ILDR1: variants seen among roughly 807,000 people sequenced by gnomAD.
The protein encoded by ILDR1 is immunoglobulin like domain containing receptor 1.
In ILDR1, 56 loss-of-function variants were observed where a neutral mutation model predicts 62.4. The observed-to-expected ratio is 0.90, with a 90% CI of 0.72 to 1.12. The LOEUF is 1.12. ILDR1 is among the 50% of genes most tolerant of loss of function. The pLI is 0.00. For synonymous variants in ILDR1, 284 were observed against 277.8 expected, an observed-to-expected ratio of 1.02 and a Z score of -0.22; for missense variants, 736 against 710.6, an observed-to-expected ratio of 1.04 and a Z score of -0.41.
chr3:121,995,104 G>T (rs1232980587), intron 5 of ILDR1, among the ~76,000 whole-genome samples: 1 of 152,142 alleles, frequency 6.6e-6, no homozygotes, highest in African/African-American at 2.4e-5. Flanking sequence ...CCTTAGGTGG[G>T]GCTGGTCTGA....
At chr3:122,009,599 T>C (rs968192202) in intron 1 of ILDR1, among the ~76,000 whole-genome samples, 1 of 152,206 alleles carries the variant, frequency 6.6e-6, no homozygotes, top group African/African-American at 2.4e-5. Context: ...CTTCCTTTTT[T>C]TCCCCTTATT....
intron 4 of ILDR1, 128 bp from the exon 5 acceptor site, chr3:122,001,582 G>T: frequency 6.8e-7 from 1 of 1,466,746 alleles, no homozygotes; most frequent in Non-Finnish European, 9.5e-7. Flanking sequence ...GCAATATACT[G>T]GCAAAAAGGT....
At chr3:122,044,650 G>C in the ILDR1 span, among the ~76,000 whole-genome samples, 8 of 151,200 alleles carry the variant, frequency 5.3e-5, no homozygotes, top group African/African-American at 1.7e-4. Flanking sequence ...TCTTGGGAGA[G>C]TGTATGTGTT....
In ILDR1 at chr3:121,988,189, A is replaced by G. The variant is rs2071280168; in HGVS notation, c.*178T>C. ...CCAAAGTGCTGTGATTACAGGTGTG[A>G]GCCACTATACCCAATCTCAAACTCT... On this transcript the variant is annotated 3_prime_UTR_variant, in exon 8 of 8. Coordinates refer to ENST00000344209, the MANE Select transcript of ILDR1 (RefSeq NM_001199799.2). The G allele has an allele frequency of 2.9e-6, 2 of 680,424 alleles. No homozygotes were observed. Among genetic ancestry groups the G allele is most frequent in the African/African-American group, 3.5e-5 (2 of 56,534 alleles). The allele number at this position is 680,424 out of a possible 1,614,324, so 42.1% of individuals were successfully genotyped here. A position where few individuals can be genotyped will look rare whatever the true frequency, so the allele number is the denominator to read the frequency against.
In ILDR1 at chr3:122,005,270, C is replaced by T. The variant is rs147746318; in HGVS notation, c.353G>A (p.Arg118Gln). The part of the protein sequence containing the change: ...QNEPVLGVDY[R>Q]QRKITIQNRA... ...GTTCTGGATGGTGATCTTGCGCTGC[C>T]GGTAATCTACCCCCAGCACGGGCTC... The change falls in exon 3 of 8, where the codon CGG becomes CAG. Residue 118 changes from arginine to glutamine, a missense_variant. By Grantham distance (43) the Arg-to-Gln change is conservative. Coordinates refer to ENST00000344209, the MANE Select transcript of ILDR1 (RefSeq NM_001199799.2). 6.2e-6 allele frequency: 10 copies of T among 1,613,268 alleles called. No individual in the cohort carries two copies. The highest frequency in any genetic ancestry group is 2.2e-5 in the East Asian group (1 of 44,856).
At chr3:122,032,653 T>C in the ILDR1 span, among the ~76,000 whole-genome samples, 45 of 152,312 alleles carry the variant, frequency 3.0e-4, no homozygotes, top group Admixed American at 1.8e-3. Flanking sequence ...GAAGTGGTAG[T>C]GTATTACCTC....
the ILDR1 span, among the ~76,000 whole-genome samples, chr3:122,048,921 C>A: frequency 1.3e-5 from 2 of 152,152 alleles, no homozygotes; most frequent in Non-Finnish European, 2.9e-5. Context: ...CAGGCATAAG[C>A]CACCATTACG....
rs758744952 is a variant in ILDR1, at chr3:122,001,458, C to T, written c.500-4G>A. The T allele has an allele frequency of 1.2e-6, 2 of 1,614,032 alleles. No homozygotes were observed. The highest frequency in any genetic ancestry group is 1.7e-6 in the Non-Finnish European group (2 of 1,179,958). ...ATGAAGATCACTGTCAGCCAGTCTG[C>T]AGGGGAGAAGCCAAGCAGGGGTTGA... On this transcript the variant is annotated splice_polypyrimidine_tract_variant and splice_region_variant and intron_variant, in intron 4 of 7. Coordinates refer to ENST00000344209, the MANE Select transcript of ILDR1 (RefSeq NM_001199799.2).
chr3:122,005,423 C>A, intron 2 of ILDR1, 30 bp from the exon 3 acceptor site: 1 of 1,613,970 alleles, frequency 6.2e-7, no homozygotes, highest in Non-Finnish European at 8.5e-7. Context: ...TAGAGTCACA[C>A]AGCAATAGGG....
At chr3:122,035,876 T>C in the ILDR1 span, among the ~76,000 whole-genome samples, 1 of 152,220 alleles carries the variant, frequency 6.6e-6, no homozygotes, top group Non-Finnish European at 1.5e-5. Context: ...TGAAAATGTG[T>C]AAGTGACTTT....
chr3:122,007,352 CT>C lies in ILDR1; in HGVS notation c.59-192del. Reference sequence around the variant, plus strand: ...GTGGGGTGAGAACGCACTCAGCAGCCTCAGAGGGACATAGGAAGAAAGGAGT... The same window carrying C: ...GTGGGGTGAGAACGCACTCAGCAGCCCAGAGGGACATAGGAAGAAAGGAGT... On this transcript the variant is annotated intron_variant, in intron 1 of 7. Transcript: ENST00000344209. 2.7e-5 allele frequency: 33 copies of C among 1,232,796 alleles called. No homozygotes were observed. In the South Asian group the frequency reaches 4.3e-4, roughly 16 times the overall value. 76.4% of individuals were successfully genotyped at this position (1,232,796 alleles called of 1,614,324 possible).
the ILDR1 span, among the ~76,000 whole-genome samples, chr3:122,044,559 G>T: frequency 8.6e-5 from 13 of 151,086 alleles, no homozygotes; most frequent in African/African-American, 2.2e-4. Flanking sequence ...GACTCTTTTT[G>T]GTTGGTAAAC....
chr3:122,036,084 C>T, the ILDR1 span, among the ~76,000 whole-genome samples: 1 of 152,122 alleles, frequency 6.6e-6, no homozygotes, highest in Non-Finnish European at 1.5e-5. Flanking sequence ...GAGTAAAGGT[C>T]ACCCTTACTA....
At chr3:122,011,680 C>CACACACACACACACACACACACACACAA (rs2071706543) in intron 1 of ILDR1, among the ~76,000 whole-genome samples, 1 of 150,650 alleles carries the variant, frequency 6.6e-6, no homozygotes, top group Non-Finnish European at 1.5e-5. Context: ...CTCTCTTTCA[C>CACACACACACACACACACACACACACAA]ACACACACAC....
Position 121,988,293 on chromosome 3 carries a change from G to T in ILDR1, c.*74C>A. 2 of 1,268,638 alleles carry T rather than the reference G, an allele frequency of 1.6e-6. No individual in the cohort carries two copies. Among genetic ancestry groups the T allele is most frequent in the Non-Finnish European group, 2.3e-6 (2 of 864,738 alleles). 78.6% of individuals were successfully genotyped at this position (1,268,638 alleles called of 1,614,324 possible). ...ACTCAGACTTGCAGTTCCCAAGTCA[G>T]CTGGAAACCTAGGTGATGCTGATGA... On this transcript the variant is annotated 3_prime_UTR_variant, in exon 8 of 8. Transcript: ENST00000344209.
At position 121,993,365 on chromosome 3, in the gene ILDR1, G is replaced by C. The variant is rs775062249; in HGVS notation, c.1384C>G (p.Arg462Gly). The C allele has an allele frequency of 6.2e-7, 1 of 1,609,924 alleles. No individual in the cohort carries two copies. The highest frequency in any genetic ancestry group is 8.5e-7 in the Non-Finnish European group (1 of 1,176,850). ...PRESTQRHGR[R>G]RRHRSYSPPL... ...GGAGAGTAGCTGCGGTGCCTGCGTC[G>C]TCTCCCGTGCCTCTGAGTGCTCTCC... is the stretch of plus-strand genomic sequence containing the variant. The change falls in exon 7 of 8, where the codon CGA becomes GGA. Residue 462 changes from arginine to glycine, a missense_variant. Physicochemically the swap from Arg to Gly is moderately radical, Grantham distance 125 (BLOSUM62 -2). Transcript: ENST00000344209.
the ILDR1 span, among the ~76,000 whole-genome samples, chr3:122,041,070 G>A: frequency 6.6e-6 from 1 of 152,168 alleles, no homozygotes; most frequent in Admixed American, 6.6e-5. Flanking sequence ...TCAGCAATAG[G>A]AAAATGAACC....
chr3:122,040,738 A>AG, the ILDR1 span, among the ~76,000 whole-genome samples: 1 of 48,928 alleles, frequency 2.0e-5, no homozygotes, highest in East Asian at 2.2e-4. Flanking sequence ...AAAAAAAAAG[A>AG]AAAAAAAAAA....
intron 1 of ILDR1, among the ~76,000 whole-genome samples, chr3:122,019,234 A>G (rs547907889): frequency 6.6e-6 from 1 of 152,366 alleles, no homozygotes; most frequent in African/African-American, 2.4e-5. Context: ...AGGAGCAGAT[A>G]TTCACATATC....
Sources: gnomAD v4.1 joint callset for allele counts (sites outside exome capture counted in the v4.1 genomes callset) on GRCh38, gnomAD v4.1.1 for gene constraint, MANE v1.5 for transcripts, NCBI Gene and HGNC (gene_info 2026-07-23, HGNC 2026-07-21) for gene names.